The following GALNT14 variants were observed in gnomAD, a reference collection of about 807,000 sequenced individuals.
The protein encoded by GALNT14 is UDP-GalNAc:polypeptide N-acetylgalactosaminyltransferase 14.
A neutral mutation model predicts 77.5 loss-of-function variants in GALNT14; 60 were observed. The observed-to-expected ratio is 0.77, with a 90% CI of 0.63 to 0.96. The LOEUF is 0.96. GALNT14 is among the 40% of genes least tolerant of loss of function. The pLI is 0.00. For missense variants in GALNT14, 710 were observed against 731.0 expected (o/e 0.97, Z 0.33); for synonymous variants, 280 against 281.7 (o/e 0.99, Z 0.06).
intron 1 of GALNT14, among the ~76,000 whole-genome samples, chr2:31,100,908 A>T (rs989384767): frequency 5.9e-5 from 9 of 152,180 alleles, no homozygotes; most frequent in African/African-American, 2.2e-4. Flanking sequence ...CATCTAACAC[A>T]AACCCTATTT....
At chr2:31,122,193 G>A (rs796181331) in intron 1 of GALNT14, among the ~76,000 whole-genome samples, 3 of 152,174 alleles carry the variant, frequency 2.0e-5, no homozygotes, top group East Asian at 1.9e-4. Flanking sequence ...TGGACACAGG[G>A]GGCTCCGGGT....
At chr2:30,893,134 T>G in the GALNT14 span, among the ~76,000 whole-genome samples, 1 of 152,248 alleles carries the variant, frequency 6.6e-6, no homozygotes, top group Admixed American at 6.5e-5. Context: ...TACATGGTTT[T>G]ATGTTTCAGA....
chr2:31,132,837 G>A (rs972133256), intron 1 of GALNT14: 1 of 406,384 alleles, frequency 2.5e-6, no homozygotes. Flanking sequence ...GAGTCATGCA[G>A]CTGGAGGCCA....
intron 1 of GALNT14, among the ~76,000 whole-genome samples, chr2:31,010,894 G>GC (rs887842938): frequency 4.2e-4 from 64 of 152,348 alleles, no homozygotes; most frequent in African/African-American, 1.5e-3. Flanking sequence ...CAAGGAAGTG[G>GC]CAAGATGGGA....
intron 2 of GALNT14, among the ~76,000 whole-genome samples, chr2:30,983,338 C>T (rs1164161587): frequency 6.6e-6 from 1 of 152,114 alleles, no homozygotes; most frequent in Non-Finnish European, 1.5e-5. Context: ...GTTGTTTTTA[C>T]TGATCTATAC....
At chr2:31,112,639 G>T (rs1186901804) in intron 1 of GALNT14, among the ~76,000 whole-genome samples, 1 of 152,166 alleles carries the variant, frequency 6.6e-6, no homozygotes, top group Non-Finnish European at 1.5e-5. Context: ...ATAACATCTT[G>T]GCCAACTGAT....
intron 1 of GALNT14, chr2:31,073,296 A>T (rs1675538167): frequency 6.6e-6 from 1 of 152,264 alleles, no homozygotes; most frequent in Non-Finnish European, 1.5e-5. Flanking sequence ...TTAGTTATAG[A>T]CATGAGACTT....
At chr2:30,982,339 C>T (rs1669040089) in intron 2 of GALNT14, among the ~76,000 whole-genome samples, 1 of 152,148 alleles carries the variant, frequency 6.6e-6, no homozygotes, top group Admixed American at 6.6e-5. Flanking sequence ...AACACATATG[C>T]CTGTTCACCA....
intron 2 of GALNT14, among the ~76,000 whole-genome samples, chr2:30,974,514 G>T (rs1448961403): frequency 1.3e-5 from 2 of 152,182 alleles, no homozygotes; most frequent in Non-Finnish European, 2.9e-5. Flanking sequence ...CACTCTCAAA[G>T]TTCTAGCCAC....
chr2:30,930,359 G>A (rs981639898), intron 10 of GALNT14, among the ~76,000 whole-genome samples: 1 of 152,240 alleles, frequency 6.6e-6, no homozygotes, highest in Non-Finnish European at 1.5e-5. Context: ...AGGCCATGCA[G>A]TTAGCCTGCT....
intron 1 of GALNT14, among the ~76,000 whole-genome samples, chr2:31,125,785 T>C (rs1426850050): frequency 4.6e-5 from 7 of 152,220 alleles, no homozygotes; most frequent in African/African-American, 1.7e-4. Context: ...CATGATAGCT[T>C]TCAACTCCTC....
At chr2:30,977,587 G>A (rs115007640) in intron 2 of GALNT14, among the ~76,000 whole-genome samples, 1 of 152,126 alleles carries the variant, frequency 6.6e-6, no homozygotes, top group African/African-American at 2.4e-5. Flanking sequence ...CCTGAAAGGG[G>A]AAAGTTCCTC....
chr2:30,993,887 G>C (rs528651689), intron 1 of GALNT14, among the ~76,000 whole-genome samples: 1 of 152,282 alleles, frequency 6.6e-6, no homozygotes, highest in South Asian at 2.1e-4. Flanking sequence ...CCACAGCCCA[G>C]GCTGCCTAGT....
chr2:31,074,991 A>C (rs185372412), intron 1 of GALNT14, among the ~76,000 whole-genome samples: 2 of 152,276 alleles, frequency 1.3e-5, no homozygotes, highest in Admixed American at 1.3e-4. Flanking sequence ...GTTGAAATGT[A>C]ATCCCCAGTG....
intron 10 of GALNT14, among the ~76,000 whole-genome samples, chr2:30,930,604 G>A (rs1386662177): frequency 6.6e-6 from 1 of 152,232 alleles, no homozygotes; most frequent in Non-Finnish European, 1.5e-5. Flanking sequence ...GGGCAGCAGT[G>A]GTATCTGCTG....
intron 13 of GALNT14, among the ~76,000 whole-genome samples, chr2:30,913,727 T>G (rs1409120345): frequency 1.3e-5 from 2 of 152,108 alleles, no homozygotes; most frequent in African/African-American, 4.8e-5. Context: ...TTTTATCCCT[T>G]TTCAAACTGT....
chr2:31,005,244 C>A (rs1364023450), intron 1 of GALNT14, among the ~76,000 whole-genome samples: 3 of 152,196 alleles, frequency 2.0e-5, no homozygotes, highest in Non-Finnish European at 1.5e-5. Flanking sequence ...GACAGAAATG[C>A]AGCCCCAAGA....
chr2:30,908,237 A>G (rs1664197140), downstream of GALNT14, among the ~76,000 whole-genome samples: 1 of 152,018 alleles, frequency 6.6e-6, no homozygotes, highest in South Asian at 2.1e-4. Context: ...AAGGAAATAA[A>G]GGGTATTCAA....
rs114933025 is a variant in GALNT14, at chr2:30,997,483, G to T, written c.130-4476C>A. 4.3e-3 allele frequency among the ~76,000 whole-genome samples: 657 copies of T among 152,182 alleles called. 1 individual carries two copies. The highest frequency in any genetic ancestry group is 0.014 in the African/African-American group (577 of 41,494). On this transcript the variant is annotated intron_variant, in intron 1 of 14. Coordinates refer to ENST00000349752, the MANE Select transcript of GALNT14 (RefSeq NM_024572.4). ...ACTTCCCTGGTACAGGAAGTGATACGTCCCGGGAAAACAAGAACAAATACC... is the reference window on the plus strand; with the variant it reads ...ACTTCCCTGGTACAGGAAGTGATACTTCCCGGGAAAACAAGAACAAATACC...
Sources: allele counts gnomAD v4.1 joint callset (sites outside exome capture counted in the v4.1 genomes callset), GRCh38; gene constraint gnomAD v4.1.1; transcripts MANE v1.5; gene names NCBI Gene and HGNC (gene_info 2026-07-23, HGNC 2026-07-21).